The following NHS variants were observed in gnomAD, a reference collection of about 807,000 sequenced individuals.
The protein encoded by NHS is NHS actin remodeling regulator.
In NHS, 5 loss-of-function variants were observed where a neutral mutation model predicts 72.5. The observed-to-expected ratio is 0.07, with a 90% CI of 0.04 to 0.14. The LOEUF (loss-of-function observed/expected upper bound fraction) is 0.14. Ranked by LOEUF, NHS falls within the 10% of genes least tolerant of loss-of-function variation. The probability of loss-of-function intolerance (pLI) is 1.00; values close to 1 mark genes in which losing one functional copy is unlikely to be tolerated. For missense variants in NHS, 1,072 were observed against 1,355.7 expected (o/e 0.79, Z 3.29); for synonymous variants, 464 against 547.7 (o/e 0.85, Z 2.13).
intron 1 of NHS, among the ~76,000 whole-genome samples, chrX:17,507,139 C>T (rs1283277850): frequency 8.9e-6 from 1 of 112,558 alleles, no homozygotes; most frequent in East Asian, 2.8e-4. Flanking sequence ...AGCAAACAAT[C>T]CCTAAGTAGC....
intron 1 of NHS, among the ~76,000 whole-genome samples, chrX:17,561,042 T>C (rs1414467979): frequency 8.9e-6 from 1 of 112,598 alleles, no homozygotes; most frequent in African/African-American, 3.2e-5. Context: ...TCTCTACAGA[T>C]AGCTCATTCT....
chrX:17,378,412 C>T (rs760985102), intron 1 of NHS, among the ~76,000 whole-genome samples: 2 of 111,896 alleles, frequency 1.8e-5, no homozygotes, highest in Admixed American at 9.5e-5. Context: ...ATGCTATCTC[C>T]ACACTTTATG....
chrX:17,645,511 G>A (rs774475375), intron 1 of NHS, among the ~76,000 whole-genome samples: 52 of 111,634 alleles, frequency 4.7e-4, no homozygotes, highest in South Asian at 2.3e-3. Context: ...GAAGCCTGGG[G>A]GCCTAAGGGA....
intron 1 of NHS, among the ~76,000 whole-genome samples, chrX:17,409,967 C>G (rs1454171606): frequency 9.0e-6 from 1 of 111,729 alleles, no homozygotes; most frequent in Non-Finnish European, 1.9e-5. Context: ...TAGAAAAATG[C>G]TGCTTCCAAA....
chrX:17,493,958 C>A (rs185740327), intron 1 of NHS, among the ~76,000 whole-genome samples: 1 of 110,638 alleles, frequency 9.0e-6, no homozygotes, highest in East Asian at 2.8e-4. Context: ...AAGTTTGGTT[C>A]TCTGGGCCTC....
At chrX:17,449,022 G>A (rs757366046) in intron 1 of NHS, among the ~76,000 whole-genome samples, 1 of 112,692 alleles carries the variant, frequency 8.9e-6, no homozygotes, top group Non-Finnish European at 1.9e-5. Flanking sequence ...TTCAGATGAG[G>A]AAACTGAGGC....
intron 3 of NHS, among the ~76,000 whole-genome samples, chrX:17,712,253 G>GTATATATATATATA (rs1216194040): frequency 3.8e-4 from 19 of 50,135 alleles, no homozygotes; most frequent in Admixed American, 1.6e-3. Context: ...TTGTGTGTGT[G>GTATATATATATATA]TATATATATA....
intron 1 of NHS, among the ~76,000 whole-genome samples, chrX:17,569,908 C>T (rs1383442544): frequency 8.9e-6 from 1 of 112,007 alleles, no homozygotes; most frequent in African/African-American, 3.3e-5. Flanking sequence ...TTTCCCAACA[C>T]CTTTTATTAA....
intron 1 of NHS, among the ~76,000 whole-genome samples, chrX:17,441,131 A>G (rs979453402): frequency 2.7e-5 from 3 of 112,349 alleles, no homozygotes; most frequent in Non-Finnish European, 5.6e-5. Flanking sequence ...TTGCACAAGT[A>G]AGACCTAGTG....
chrX:17,728,506 C>T, intron 7 of NHS, 143 bp from the exon 8 acceptor site: 2 of 917,609 alleles, frequency 2.2e-6, no homozygotes, highest in Non-Finnish European at 3.1e-6. Context: ...TAAGCTTTGA[C>T]AGGTATCTCT....
intron 1 of NHS, among the ~76,000 whole-genome samples, chrX:17,675,191 A>C (rs1311047328): frequency 2.7e-5 from 3 of 112,099 alleles, no homozygotes; most frequent in Non-Finnish European, 5.6e-5. Flanking sequence ...CATTGCTAGT[A>C]GAAAATATCC....
intron 1 of NHS, among the ~76,000 whole-genome samples, chrX:17,520,885 T>C (rs746764327): frequency 1.8e-5 from 2 of 111,254 alleles, no homozygotes; most frequent in East Asian, 2.8e-4. Context: ...GTGGGATCCA[T>C]GGAGCCAGCA....
chrX:17,558,316 A>C (rs1406522133), intron 1 of NHS, among the ~76,000 whole-genome samples: 1 of 112,274 alleles, frequency 8.9e-6, no homozygotes, highest in Non-Finnish European at 1.9e-5. Context: ...AATGTACATC[A>C]TAATCAATGA....
chrX:17,546,677 C>T (rs987112860), intron 1 of NHS, among the ~76,000 whole-genome samples: 6 of 112,272 alleles, frequency 5.3e-5, no homozygotes, highest in African/African-American at 1.9e-4. Context: ...CACACATGCA[C>T]ACATATATGC....
chrX:17,692,749 G>A (rs1392112502), intron 3 of NHS, among the ~76,000 whole-genome samples: 1 of 110,563 alleles, frequency 9.0e-6, no homozygotes, highest in Non-Finnish European at 1.9e-5. Flanking sequence ...TCAAACCTCG[G>A]TTCTTCTGCT....
chrX:17,699,685 C>T (rs1192466901), intron 3 of NHS, among the ~76,000 whole-genome samples: 4 of 111,680 alleles, frequency 3.6e-5, no homozygotes, highest in Non-Finnish European at 7.5e-5. Context: ...GGGATAAAAT[C>T]ACCTCTAGTT....
At chrX:17,417,091 TACACAC>T (rs753132773) in intron 1 of NHS, among the ~76,000 whole-genome samples, 70 of 98,030 alleles carry the variant, frequency 7.1e-4, no homozygotes, top group Middle Eastern at 5.2e-3. Flanking sequence ...GAAAACAGAA[TACACAC>T]ACACACACAC....
chrX:17,537,097 C>G lies in NHS; in HGVS notation c.566-150645C>G, dbSNP rs190203303. On this transcript the variant is annotated intron_variant, in intron 1 of 8. Coordinates refer to ENST00000676302, the MANE Select transcript of NHS (RefSeq NM_001291867.2). ...TTGTCATGTCCAAGCAAGACAAAGA[C>G]CAATTTACAAAAAAAGGATAAGTGG... Among the ~76,000 whole-genome samples, 14 of 112,180 alleles carry G rather than the reference C, an allele frequency of 1.2e-4. No homozygotes were observed. In the East Asian group the frequency reaches 3.6e-3, roughly 29 times the overall value.
chrX:17,686,733 G>A (rs1311780781), intron 1 of NHS: 1 of 112,106 alleles, frequency 8.9e-6, no homozygotes, highest in Non-Finnish European at 1.9e-5. Flanking sequence ...AGAGTGGAAA[G>A]AGATGAGACT....
Sources: gnomAD v4.1 joint callset for allele counts (sites outside exome capture counted in the v4.1 genomes callset) on GRCh38, gnomAD v4.1.1 for gene constraint, MANE v1.5 for transcripts, NCBI Gene and HGNC (gene_info 2026-07-23, HGNC 2026-07-21) for gene names.